Variants in EFCAB6 observed in about 807,000 individuals in gnomAD.
EFCAB6 encodes EF-hand calcium-binding domain-containing protein 6.
EFCAB6 carries 156 observed loss-of-function variants against 169.8 expected under a neutral mutation model. The observed-to-expected ratio is 0.92, with a 90% CI of 0.81 to 1.05. The LOEUF (loss-of-function observed/expected upper bound fraction) is 1.05. Ranked by LOEUF, EFCAB6 falls within the 50% of genes least tolerant of loss-of-function variation. The pLI is 0.00. For missense variants in EFCAB6, 1,800 were observed against 1,829.1 expected (o/e 0.98, Z 0.29); for synonymous variants, 698 against 676.4 (o/e 1.03, Z -0.50).
intron 2 of EFCAB6, among the ~76,000 whole-genome samples, chr22:43,804,550 G>A (rs2062840902): frequency 6.6e-6 from 1 of 152,122 alleles, no homozygotes; most frequent in Non-Finnish European, 1.5e-5. Flanking sequence ...CTTGAGGCCA[G>A]GAGTTCAAAA....
chr22:43,540,061 C>T, intron 28 of EFCAB6, 66 bp downstream of exon 28: 1 of 1,573,692 alleles, frequency 6.4e-7, no homozygotes, highest in Non-Finnish European at 8.7e-7. Context: ...CCCCAAAGTC[C>T]CCCCAGTGGG....
rs184355642 is a variant in EFCAB6 at position 43,592,805 on chromosome 22, G to A, written c.2877-2576C>T. On this transcript the variant is annotated intron_variant, in intron 23 of 31. Coordinates refer to ENST00000262726, the MANE Select transcript of EFCAB6 (RefSeq NM_022785.4). ...TCAATTTGCGTTTTCGAACGAGCCCGTGTTATGTGGCTCATTTACTGTTGC... is the reference window on the plus strand; with the variant it reads ...TCAATTTGCGTTTTCGAACGAGCCCATGTTATGTGGCTCATTTACTGTTGC... Among the ~76,000 whole-genome samples, 25 of 152,268 alleles carry A rather than the reference G, an allele frequency of 1.6e-4. No homozygotes were observed. The East Asian group carries it at 3.9e-3, about 23-fold the overall frequency.
intron 27 of EFCAB6, chr22:43,552,706 A>G (rs2048451348): frequency 6.6e-6 from 1 of 152,184 alleles, no homozygotes; most frequent in Non-Finnish European, 1.5e-5. Flanking sequence ...TTCTTAGTGG[A>G]CAATTAAAAT....
chr22:43,737,928 TCA>T (rs907160266), intron 6 of EFCAB6, among the ~76,000 whole-genome samples: 11 of 147,684 alleles, frequency 7.4e-5, no homozygotes, highest in Non-Finnish European at 6.0e-5. Context: ...ATGCATATAC[TCA>T]CACACACCTG....
rs2047460696 is a variant in EFCAB6 at position 43,537,663 on chromosome 22, A to G, written c.3880-118T>C. 7 of 1,179,450 alleles carry G rather than the reference A, an allele frequency of 5.9e-6. No homozygotes were observed. The South Asian group carries it at 1.2e-4, about 20-fold the overall frequency. 73.1% of individuals were successfully genotyped at this position (1,179,450 alleles called of 1,614,324 possible). On this transcript the variant is annotated intron_variant, in intron 28 of 31. Transcript: ENST00000262726. The surrounding 1 kb of genome is among the most constrained non-coding windows in gnomAD (Gnocchi z 4.3). ...AATTTTAGAGGCAGAATTAGCCCAG[A>G]AATAAAATGAAGAATAAAACATAGA...
intron 8 of EFCAB6, among the ~76,000 whole-genome samples, chr22:43,718,429 A>T (rs1416037335): frequency 6.6e-6 from 1 of 152,122 alleles, no homozygotes; most frequent in African/African-American, 2.4e-5. Flanking sequence ...CAAAAAAGAG[A>T]AAGGGGAGAA....
chr22:43,780,230 T>C (rs2061771525), intron 3 of EFCAB6, among the ~76,000 whole-genome samples: 1 of 152,076 alleles, frequency 6.6e-6, no homozygotes, highest in Non-Finnish European at 1.5e-5. Context: ...CTCATGCCTA[T>C]AATCCTGGCA....
chr22:43,728,549 T>C (rs2059821456), intron 8 of EFCAB6, among the ~76,000 whole-genome samples: 2 of 152,204 alleles, frequency 1.3e-5, no homozygotes, highest in Non-Finnish European at 2.9e-5. Context: ...GTGTTCCTAT[T>C]TCTCCTCATC....
intron 13 of EFCAB6, among the ~76,000 whole-genome samples, chr22:43,675,641 TTATA>T (rs990632847): frequency 4.1e-5 from 6 of 146,646 alleles, no homozygotes; most frequent in African/African-American, 1.2e-4. Flanking sequence ...TCAATTATTG[TTATA>T]TAAAGTATAA....
chr22:43,718,202 T>C (rs968957899), intron 8 of EFCAB6, among the ~76,000 whole-genome samples: 3 of 152,204 alleles, frequency 2.0e-5, no homozygotes, highest in Admixed American at 6.5e-5. Context: ...TTTCTGGCTT[T>C]TTTGAAACAA....
chr22:43,591,379 C>T (rs2051536812), intron 23 of EFCAB6, among the ~76,000 whole-genome samples: 2 of 151,012 alleles, frequency 1.3e-5, no homozygotes, highest in African/African-American at 4.9e-5. Context: ...ATCGCTTCAA[C>T]CCGGGAGGCA....
chr22:43,764,285 G>A (rs567156527), intron 5 of EFCAB6, among the ~76,000 whole-genome samples: 2 of 152,112 alleles, frequency 1.3e-5, no homozygotes, highest in South Asian at 2.1e-4. Context: ...GCTCCCACTT[G>A]TAAGTGAGAA....
At chr22:43,604,279 T>A (rs1380221244) in intron 22 of EFCAB6, among the ~76,000 whole-genome samples, 2 of 152,170 alleles carry the variant, frequency 1.3e-5, no homozygotes, top group Non-Finnish European at 2.9e-5. Context: ...AAGGGCATAT[T>A]CAGTATGTTC....
At chr22:43,650,233 T>A (rs1197494465) in intron 17 of EFCAB6, among the ~76,000 whole-genome samples, 1 of 152,192 alleles carries the variant, frequency 6.6e-6, no homozygotes, top group African/African-American at 2.4e-5. Context: ...AATTCCCATG[T>A]GTTTTGGGAG....
intron 27 of EFCAB6, among the ~76,000 whole-genome samples, chr22:43,542,441 G>T (rs1022316400): frequency 6.6e-6 from 1 of 152,180 alleles, no homozygotes; most frequent in Non-Finnish European, 1.5e-5. Context: ...TTAGCTGGGC[G>T]TGGTGGCAGG....
chr22:43,555,186 G>T, intron 26 of EFCAB6, 90 bp from the exon 27 acceptor site: 2 of 1,375,592 alleles, frequency 1.5e-6, no homozygotes. Flanking sequence ...GTTGCAGGGA[G>T]ACCCAGCGTG....
intron 3 of EFCAB6, among the ~76,000 whole-genome samples, chr22:43,780,560 T>C (rs1226233438): frequency 6.6e-6 from 1 of 151,924 alleles, no homozygotes; most frequent in East Asian, 1.9e-4. Flanking sequence ...CTAGTCTTCT[T>C]TGTACGATCA....
At chr22:43,675,746 T>C (rs1399685287) in intron 13 of EFCAB6, among the ~76,000 whole-genome samples, 1 of 148,084 alleles carries the variant, frequency 6.8e-6, no homozygotes, top group Non-Finnish European at 1.5e-5. Flanking sequence ...ATTAATGTAA[T>C]TGTAAAAATA....
chr22:43,685,416 T>C (rs1457834583), intron 11 of EFCAB6, among the ~76,000 whole-genome samples: 2 of 152,122 alleles, frequency 1.3e-5, no homozygotes, highest in Non-Finnish European at 2.9e-5. Context: ...AGAACACAGC[T>C]CTCCCTCGGA....
Sources: allele counts gnomAD v4.1 joint callset (sites outside exome capture counted in the v4.1 genomes callset), GRCh38; gene constraint gnomAD v4.1.1; non-coding constraint Gnocchi (gnomAD v3.1); transcripts MANE v1.5; gene names NCBI Gene and HGNC (gene_info 2026-07-23, HGNC 2026-07-21).